Variants in SLBP observed in about 807,000 individuals in gnomAD.
The protein encoded by SLBP is stem-loop histone mRNA binding protein.
A neutral mutation model predicts 39.2 loss-of-function variants in SLBP; 29 were observed. The ratio of observed to expected loss-of-function variants is 0.74; its 90% CI spans 0.55 to 1.01. The LOEUF (loss-of-function observed/expected upper bound fraction) is 1.01. SLBP is among the 50% of genes least tolerant of loss of function. SLBP has a pLI of 0.00. For synonymous variants in SLBP, 129 were observed against 118.7 expected, an observed-to-expected ratio of 1.09 and a Z score of -0.57; for missense variants, 390 against 350.2, an observed-to-expected ratio of 1.11 and a Z score of -0.91.
chr4:1,711,973 C>A lies in SLBP; in HGVS notation c.77G>T (p.Arg26Leu). 1 of 1,304,220 alleles carries A rather than the reference C, an allele frequency of 7.7e-7. No individual in the cohort carries two copies. The highest frequency in any genetic ancestry group is 9.7e-7 in the Non-Finnish European group (1 of 1,026,958). 80.8% of individuals were successfully genotyped at this position (1,304,220 alleles called of 1,614,324 possible). A position where few individuals can be genotyped will look rare whatever the true frequency, so the allele number is the denominator to read the frequency against. ...TCTGCGCTTCCGTCCCAGGCTCCATCGCGCGGGGGACGGCGGGCTGCGGGG... is the reference window on the plus strand; with the variant it reads ...TCTGCGCTTCCGTCCCAGGCTCCATAGCGCGGGGGACGGCGGGCTGCGGGG... Reference protein sequence around the residue: ...DGDASPPSPARWSLGRKRRAD... With the variant: ...DGDASPPSPALWSLGRKRRAD... Residue 26 changes from arginine (R) to leucine (L), a missense_variant, in exon 2 of 8, where the codon CGA (arginine) becomes CTA (leucine). Coordinates refer to ENST00000489418, the MANE Select transcript of SLBP (RefSeq NM_006527.4).
intron 6 of SLBP, 100 bp downstream of exon 6, chr4:1,696,102 G>T: frequency 9.8e-7 from 1 of 1,018,422 alleles, no homozygotes; most frequent in Non-Finnish European, 1.4e-6. Flanking sequence ...AACAGCTGCT[G>T]GGGGACTTGG....
chr4:1,693,528 C>CT lies in SLBP; in HGVS notation c.*68dup. On this transcript the variant is annotated 3_prime_UTR_variant, in exon 8 of 8. Transcript: ENST00000489418. ...CACCAGGTACAAGTGCACACACATG[C>CT]TTGGTGCCTGGCCAGCCTTCCACCT... 1 of 882,120 alleles carries CT rather than the reference C, an allele frequency of 1.1e-6. No homozygotes were observed. Among genetic ancestry groups the CT allele is most frequent in the Admixed American group, 1.7e-5 (1 of 58,328 alleles). 54.6% of individuals were successfully genotyped at this position (882,120 alleles called of 1,614,324 possible).
At chr4:1,696,167 GAGAATCAC>G (rs750764663) in intron 6 of SLBP, 27 bp downstream of exon 6, 2 of 1,541,282 alleles carry the variant, frequency 1.3e-6, no homozygotes, top group Non-Finnish European at 1.8e-6. Flanking sequence ...GGACCAATCA[GAGAATCAC>G]AGGACAAGAA....
chr4:1,706,437 G>A (rs1193086994), intron 2 of SLBP, among the ~76,000 whole-genome samples: 1 of 152,216 alleles, frequency 6.6e-6, no homozygotes, highest in Non-Finnish European at 1.5e-5. Context: ...TACTGGCAAA[G>A]TACCCCCTGT....
intron 3 of SLBP, 167 bp from the exon 4 acceptor site, chr4:1,700,237 A>T: frequency 2.1e-6 from 1 of 472,702 alleles, no homozygotes. Flanking sequence ...AGTGAGATCC[A>T]CACAACAAAA....
chr4:1,698,701 G>C (rs1716215728), intron 5 of SLBP, among the ~76,000 whole-genome samples: 1 of 151,908 alleles, frequency 6.6e-6, no homozygotes, highest in Non-Finnish European at 1.5e-5. Flanking sequence ...AGCCAGGGTG[G>C]TCTCGATCTC....
intron 2 of SLBP, among the ~76,000 whole-genome samples, chr4:1,704,543 C>A (rs926623274): frequency 6.6e-6 from 1 of 152,142 alleles, no homozygotes; most frequent in African/African-American, 2.4e-5. Context: ...ATTATTCTAA[C>A]AAAGCCCGAG....
At chr4:1,699,971 G>A (rs776506561) in intron 4 of SLBP, 40 bp downstream of exon 4, 3 of 1,377,802 alleles carry the variant, frequency 2.2e-6, no homozygotes, top group East Asian at 2.3e-5. Flanking sequence ...CAAATTACAG[G>A]TCTATCAAAT....
chr4:1,696,511 G>A (rs540652018), intron 5 of SLBP, among the ~76,000 whole-genome samples, 160 bp from the exon 6 acceptor site: 25 of 152,198 alleles, frequency 1.6e-4, no homozygotes, highest in African/African-American at 5.8e-4. Flanking sequence ...GGGAGGTCAT[G>A]CCAAGATCAC....
chr4:1,698,893 G>A (rs191095691), intron 5 of SLBP, among the ~76,000 whole-genome samples: 164 of 152,194 alleles, frequency 1.1e-3, no homozygotes, highest in Non-Finnish European at 1.7e-3. Flanking sequence ...CTGGGCTGAA[G>A]CAGTTCTCCC....
At chr4:1,708,327 T>C (rs898620598) in intron 2 of SLBP, among the ~76,000 whole-genome samples, 2 of 152,224 alleles carry the variant, frequency 1.3e-5, no homozygotes, top group Non-Finnish European at 2.9e-5. Context: ...TGCTGTGCTT[T>C]GAAAATGCAA....
At chr4:1,696,114 A>G in intron 6 of SLBP, 88 bp downstream of exon 6, 1 of 1,208,944 alleles carries the variant, frequency 8.3e-7, no homozygotes, top group Non-Finnish European at 1.1e-6. Flanking sequence ...GGGACTTGGC[A>G]CCAGACCTCC....
chr4:1,711,120 T>C (rs2108667347), intron 2 of SLBP, among the ~76,000 whole-genome samples: 1 of 150,704 alleles, frequency 6.6e-6, no homozygotes, highest in South Asian at 2.1e-4. Flanking sequence ...CTCAGCATAA[T>C]TTTTTCCTTT....
chr4:1,704,742 C>T (rs980881740), intron 2 of SLBP, among the ~76,000 whole-genome samples: 2 of 152,086 alleles, frequency 1.3e-5, no homozygotes, highest in Non-Finnish European at 2.9e-5. Flanking sequence ...GCTGTGTAGT[C>T]CCAAGCCTGT....
intron 4 of SLBP, 95 bp downstream of exon 4, chr4:1,699,916 C>A: frequency 1.1e-6 from 1 of 938,668 alleles, no homozygotes; most frequent in Non-Finnish European, 1.7e-6. Context: ...ATAAATGCTA[C>A]TGCGACAGTC....
At chr4:1,707,652 A>C (rs74499130) in intron 2 of SLBP, among the ~76,000 whole-genome samples, 1 of 152,120 alleles carries the variant, frequency 6.6e-6, no homozygotes, top group Non-Finnish European at 1.5e-5. Context: ...ACTGACATTA[A>C]AACTAGATAC....
intron 4 of SLBP, 50 bp downstream of exon 4, chr4:1,699,961 C>G (rs1347675170): frequency 3.8e-6 from 5 of 1,306,790 alleles, no homozygotes; most frequent in Non-Finnish European, 5.4e-6. Context: ...TTTTTTTTAA[C>G]AAATTACAGG....
At position 1,699,712 on chromosome 4, in the gene SLBP, AACAGATT is replaced by A. The variant is rs781161653; in HGVS notation, c.342-18_342-12del. The A allele has an allele frequency of 3.8e-5, 61 of 1,612,436 alleles. No homozygotes were observed. The highest frequency in any genetic ancestry group is 5.1e-5 in the Non-Finnish European group (60 of 1,179,012). On this transcript the variant is annotated splice_polypyrimidine_tract_variant and intron_variant, in intron 4 of 7. Transcript: ENST00000489418. ...TCCTTTGAATCAGAACTGAAAAAACAACAGATTAACAGAATAAGCCCTGCAATTAAGA... is the reference window on the plus strand; with the variant it reads ...TCCTTTGAATCAGAACTGAAAAAACAAACAGAATAAGCCCTGCAATTAAGA...
chr4:1,710,013 C>T (rs762198647), intron 2 of SLBP, among the ~76,000 whole-genome samples: 16 of 152,326 alleles, frequency 1.1e-4, no homozygotes, highest in Admixed American at 3.3e-4. Context: ...CCTTTATGAG[C>T]TCTTAACCTG....
Sources: gnomAD v4.1 joint callset for allele counts (sites outside exome capture counted in the v4.1 genomes callset) on GRCh38, gnomAD v4.1.1 for gene constraint, MANE v1.5 for transcripts, NCBI Gene and HGNC (gene_info 2026-07-23, HGNC 2026-07-21) for gene names.